Variants in FBXO4 observed in about 807,000 individuals in gnomAD.
FBXO4 encodes F-box protein 4.
FBXO4 carries 36 observed loss-of-function variants against 43.7 expected under a neutral mutation model. The observed-to-expected ratio is 0.82, with a 90% confidence interval of 0.63 to 1.09. FBXO4 has a LOEUF of 1.09. FBXO4 is among the 50% of genes least tolerant of loss of function. FBXO4 has a pLI of 0.00. For missense variants in FBXO4, 435 were observed against 474.1 expected (o/e 0.92, Z 0.77); for synonymous variants, 180 against 165.6 (o/e 1.09, Z -0.67).
In FBXO4 at chr5:41,925,386, C is replaced by T; in HGVS notation, c.77C>T (p.Ala26Val). The T allele has an allele frequency of 7.2e-7, 1 of 1,385,162 alleles. No homozygotes were observed. The highest frequency in any genetic ancestry group is 3.1e-5 in the East Asian group (1 of 32,574). The allele number at this position is 1,385,162 out of a possible 1,614,324, so 85.8% of individuals were successfully genotyped here. A position where few individuals can be genotyped will look rare whatever the true frequency, so the allele number is the denominator to read the frequency against. ...AGCGACTGGGGCCGCCTGGAGGCGG[C>T]CATCCTCAGCGGCTGGAAGACCTTC... ...PFSDWGRLEA[A>V]ILSGWKTFWQ... The change falls in exon 1 of 7, where the codon GCC (alanine) becomes GTC (valine). Residue 26 changes from alanine to valine, a missense_variant. By Grantham distance (64) the Ala-to-Val change is moderately conservative. Transcript: ENST00000281623.
intron 5 of FBXO4, among the ~76,000 whole-genome samples, chr5:41,938,918 C>A (rs965446428): frequency 2.7e-5 from 4 of 150,372 alleles, no homozygotes; most frequent in African/African-American, 1.0e-4. Flanking sequence ...CAAGAAGAGC[C>A]GCTTTTAAGG....
At chr5:42,028,984 CAGTT>C in the FBXO4 span, among the ~76,000 whole-genome samples, 19 of 152,008 alleles carry the variant, frequency 1.2e-4, no homozygotes, top group South Asian at 1.7e-3. Context: ...TTACACATCA[CAGTT>C]AGTGTTATAA....
the FBXO4 span, among the ~76,000 whole-genome samples, chr5:41,974,100 A>G: frequency 4.1e-3 from 623 of 152,230 alleles, 3 homozygotes; most frequent in Non-Finnish European, 7.0e-3. Context: ...CTTTCTCCGT[A>G]TGTATGTATC....
the FBXO4 span, among the ~76,000 whole-genome samples, chr5:41,948,926 C>T: frequency 6.6e-6 from 1 of 152,114 alleles, no homozygotes; most frequent in African/African-American, 2.4e-5. Flanking sequence ...AATCAATAAA[C>T]GTAATCCATC....
chr5:41,983,681 G>A, the FBXO4 span, among the ~76,000 whole-genome samples: 629 of 151,962 alleles, frequency 4.1e-3, 3 homozygotes, highest in African/African-American at 0.015. Flanking sequence ...AACTGATTTT[G>A]TGTTGAATTT....
chr5:41,977,408 T>C, the FBXO4 span, among the ~76,000 whole-genome samples: 1 of 152,236 alleles, frequency 6.6e-6, no homozygotes, highest in African/African-American at 2.4e-5. Flanking sequence ...TTTGTTCCCA[T>C]ATCTGATTGC....
At chr5:41,981,260 A>T in the FBXO4 span, among the ~76,000 whole-genome samples, 1 of 152,104 alleles carries the variant, frequency 6.6e-6, no homozygotes, top group African/African-American at 2.4e-5. Flanking sequence ...AACTGAACTG[A>T]TTTGAGGCTA....
chr5:42,030,061 C>T, the FBXO4 span, among the ~76,000 whole-genome samples: 1 of 152,056 alleles, frequency 6.6e-6, no homozygotes, highest in Non-Finnish European at 1.5e-5. Context: ...AATGCCATCC[C>T]CATCAAGCTG....
chr5:41,946,227 AAGAG>A (rs923157607), downstream of FBXO4, among the ~76,000 whole-genome samples: 108 of 152,292 alleles, frequency 7.1e-4, no homozygotes, highest in African/African-American at 2.5e-3. Context: ...CCTGGGAACA[AAGAG>A]AGAGCCCCGT....
the FBXO4 span, among the ~76,000 whole-genome samples, chr5:42,024,528 C>A: frequency 6.6e-6 from 1 of 151,970 alleles, no homozygotes; most frequent in Non-Finnish European, 1.5e-5. Context: ...GGGTATCCAT[C>A]CCCTCAAGCA....
chr5:41,987,759 G>A, the FBXO4 span, among the ~76,000 whole-genome samples: 2 of 152,102 alleles, frequency 1.3e-5, no homozygotes, highest in African/African-American at 4.8e-5. Flanking sequence ...TTACCAACCT[G>A]ATAATAAGCT....
chr5:41,925,554 C>T, intron 1 of FBXO4, 56 bp downstream of exon 1: 1 of 1,256,474 alleles, frequency 8.0e-7, no homozygotes, highest in Non-Finnish European at 1.0e-6. Flanking sequence ...GCCGGAGGGA[C>T]CTCCCCTGGA....
At chr5:42,038,148 C>G in the FBXO4 span, among the ~76,000 whole-genome samples, 1 of 152,108 alleles carries the variant, frequency 6.6e-6, no homozygotes, top group African/African-American at 2.4e-5. Flanking sequence ...AGCATGCCAT[C>G]AATTCCCCTC....
the FBXO4 span, among the ~76,000 whole-genome samples, chr5:41,981,877 C>A: frequency 6.6e-6 from 1 of 151,274 alleles, no homozygotes; most frequent in Non-Finnish European, 1.5e-5. Flanking sequence ...TTAGGTATAT[C>A]TCCTAATGCT....
At chr5:42,006,927 C>G in the FBXO4 span, among the ~76,000 whole-genome samples, 1 of 87,182 alleles carries the variant, frequency 1.1e-5, no homozygotes, top group African/African-American at 5.3e-5. Context: ...TGTATATACA[C>G]ACACATACAT....
the FBXO4 span, among the ~76,000 whole-genome samples, chr5:41,998,795 G>A: frequency 6.6e-5 from 10 of 152,326 alleles, no homozygotes; most frequent in South Asian, 1.9e-3. Flanking sequence ...TTGCAGGTCA[G>A]CCACTCACAT....
chr5:41,952,774 T>A, the FBXO4 span, among the ~76,000 whole-genome samples: 1 of 152,184 alleles, frequency 6.6e-6, no homozygotes, highest in Admixed American at 6.5e-5. Context: ...GGCCTCTTTT[T>A]GAGTTTACTA....
the FBXO4 span, among the ~76,000 whole-genome samples, chr5:42,028,788 TA>T: frequency 6.6e-6 from 1 of 151,722 alleles, no homozygotes; most frequent in Non-Finnish European, 1.5e-5. Context: ...ATAGTTTGCA[TA>T]AACAAACAAA....
the FBXO4 span, among the ~76,000 whole-genome samples, chr5:41,965,036 T>A: frequency 7.2e-5 from 11 of 152,282 alleles, no homozygotes; most frequent in East Asian, 1.7e-3. Flanking sequence ...TTAAGTTTTT[T>A]ATCCATCTTG....
Sources: gnomAD v4.1 joint callset for allele counts (sites outside exome capture counted in the v4.1 genomes callset) on GRCh38, gnomAD v4.1.1 for gene constraint, MANE v1.5 for transcripts, NCBI Gene and HGNC (gene_info 2026-07-23, HGNC 2026-07-21) for gene names.